The following MPPE1 variants were observed in gnomAD, a reference collection of about 807,000 sequenced individuals.
MPPE1 encodes the protein metallo phosphoesterase.
A neutral mutation model predicts 43.8 loss-of-function variants in MPPE1; 28 were observed. That is an observed-to-expected ratio of 0.64 (90% CI 0.47 to 0.88). The LOEUF (loss-of-function observed/expected upper bound fraction) is 0.88. Among genes scored for constraint, MPPE1 ranks in the 40% least tolerant of loss-of-function variants. The probability of loss-of-function intolerance (pLI) is 0.00; values close to 1 mark genes in which losing one functional copy is unlikely to be tolerated. For missense variants in MPPE1, 428 were observed against 492.2 expected (o/e 0.87, Z 1.23); for synonymous variants, 159 against 188.5 (o/e 0.84, Z 1.28).
Position 11,888,757 on chromosome 18 carries a change from T to A in MPPE1, c.495-14A>T. 1 of 1,526,360 alleles carries A rather than the reference T, an allele frequency of 6.6e-7. No individual in the cohort carries two copies. The highest frequency in any genetic ancestry group is 8.9e-7 in the Non-Finnish European group (1 of 1,128,578). The allele number at this position is 1,526,360 out of a possible 1,614,324, so 94.6% of individuals were successfully genotyped here. On this transcript the variant is annotated splice_polypyrimidine_tract_variant and intron_variant, in intron 5 of 10. Coordinates refer to ENST00000588072, the MANE Select transcript of MPPE1 (RefSeq NM_023075.6). ...TATGTGTTCATCCTATATTCAATTGTGAGAAGAAACATTTTTCAGGACAAG... is the reference window on the plus strand; with the variant it reads ...TATGTGTTCATCCTATATTCAATTGAGAGAAGAAACATTTTTCAGGACAAG...
At chr18:11,885,888 A>ACGGC (rs757343244) in intron 9 of MPPE1, 72 bp from the exon 10 acceptor site, 1 of 1,436,616 alleles carries the variant, frequency 7.0e-7, no homozygotes, top group Non-Finnish European at 9.3e-7. Context: ...CGCTCAGCAG[A>ACGGC]CGGCCGCTGG....
In MPPE1 at chr18:11,887,732, C is replaced by T. The variant is rs146675576; in HGVS notation, c.570-707G>A. The stretch of plus-strand genomic sequence containing the variant: ...AGTAAAGACTGCTTGAAATTTAACT[C>T]GTTTTAGAGATAAGGAGTGGAGTTA... On this transcript the variant is annotated intron_variant, in intron 6 of 10. Transcript: ENST00000588072. Among the ~76,000 whole-genome samples, 486 of 152,240 alleles carry T rather than the reference C, an allele frequency of 3.2e-3. 4 individuals carry two copies. The highest frequency in any genetic ancestry group is 0.011 in the African/African-American group (474 of 41,544).
At chr18:11,904,922 G>A (rs544806241) in intron 2 of MPPE1, among the ~76,000 whole-genome samples, 32 of 151,854 alleles carry the variant, frequency 2.1e-4, no homozygotes, top group Admixed American at 9.2e-4. Context: ...CAGCCTAGGC[G>A]ACAGAGCGAG....
chr18:11,888,583 T>A, intron 6 of MPPE1, 86 bp downstream of exon 6: 1 of 775,888 alleles, frequency 1.3e-6, no homozygotes, highest in South Asian at 1.6e-5. Flanking sequence ...CGCAGGTAGA[T>A]GATAGATCCC....
rs184651742 is a variant in MPPE1 at position 11,886,774 on chromosome 18, C to T, written c.683G>A (p.Arg228His). 4.3e-6 allele frequency: 7 copies of T among 1,612,882 alleles called. No individual in the cohort carries two copies. The African/African-American group carries it at 6.7e-5, about 15-fold the overall frequency. ...SHRLNCSREA[R>H]GSSRCGPGPL... ...CCCAGGTCCACACCGGCTGGAGCCA[C>T]GTGCCTGCTGGGTACAAGTCAGGCC... Residue 228 changes from arginine (R) to histidine (H), a missense_variant, in exon 8 of 11, where the codon CGT becomes CAT. Around this residue, in one of 3 missense-constraint regions of MPPE1, gnomAD observed 379 missense variants for 402.5 expected, o/e 0.94. Transcript: ENST00000588072. This position sits in a 1 kb window ranked among gnomAD's most constrained non-coding sequence, Gnocchi z 4.1.
rs531819348 is a variant in MPPE1 at position 11,889,730 on chromosome 18, C to G, written c.391-240G>C. Among the ~76,000 whole-genome samples the G allele has an allele frequency of 3.0e-3, 445 of 150,638 alleles. 1 individual carries two copies. Among genetic ancestry groups the G allele is most frequent in the African/African-American group, 0.01 (418 of 40,958 alleles). On this transcript the variant is annotated intron_variant, in intron 4 of 10. Coordinates refer to ENST00000588072, the MANE Select transcript of MPPE1 (RefSeq NM_023075.6). ...GGCACATGCCACCATGCCCGGCTAA[C>G]TTATTTTGTGTGTGTGTATTTTTAG...
intron 2 of MPPE1, among the ~76,000 whole-genome samples, chr18:11,898,864 TTGAG>T (rs761174395): frequency 7.9e-5 from 12 of 152,018 alleles, no homozygotes; most frequent in Non-Finnish European, 1.3e-4. Context: ...AGAAACTGAT[TTGAG>T]TAATAATTCC....
chr18:11,900,840 A>G (rs1055467505), intron 2 of MPPE1, among the ~76,000 whole-genome samples: 74 of 151,108 alleles, frequency 4.9e-4, no homozygotes, highest in Admixed American at 1.1e-3. Flanking sequence ...CCAGGAGGCA[A>G]AGCCTGCAGT....
intron 2 of MPPE1, among the ~76,000 whole-genome samples, chr18:11,900,710 A>T (rs532307553): frequency 3.6e-4 from 54 of 152,082 alleles, no homozygotes; most frequent in African/African-American, 1.1e-3. Flanking sequence ...GATCGAGACC[A>T]TCCTGGCTAA....
chr18:11,887,059 G>A (rs748698413), intron 6 of MPPE1, 34 bp from the exon 7 acceptor site: 1 of 1,494,500 alleles, frequency 6.7e-7, no homozygotes, highest in South Asian at 1.1e-5. Context: ...GAGGCCGCTG[G>A]GGGTATCAGT....
At chr18:11,890,455 G>A (rs760265371) in intron 4 of MPPE1, among the ~76,000 whole-genome samples, 2 of 151,914 alleles carry the variant, frequency 1.3e-5, no homozygotes, top group African/African-American at 4.8e-5. Flanking sequence ...GATTACAGGC[G>A]TGTACCACCA....
In MPPE1 at chr18:11,884,411, C is replaced by A. The variant is rs2036863654; in HGVS notation, c.*34G>T. 7.5e-6 allele frequency: 12 copies of A among 1,601,396 alleles called. No homozygotes were observed. The highest frequency in any genetic ancestry group is 1.0e-5 in the Non-Finnish European group (12 of 1,170,814). On this transcript the variant is annotated 3_prime_UTR_variant, in exon 11 of 11. Coordinates refer to ENST00000588072, the MANE Select transcript of MPPE1 (RefSeq NM_023075.6). Reference sequence around the variant, plus strand: ...ATGATCTCTGCCCAAAGTTCCATTTCTTGGGCTTTGATATTTATAATGGCG... The same window carrying A: ...ATGATCTCTGCCCAAAGTTCCATTTATTGGGCTTTGATATTTATAATGGCG...
intron 2 of MPPE1, among the ~76,000 whole-genome samples, chr18:11,904,218 G>C (rs1421694568): frequency 6.6e-6 from 1 of 152,204 alleles, no homozygotes; most frequent in Non-Finnish European, 1.5e-5. Flanking sequence ...CAGAGAAAGA[G>C]AGCAAGCAAG....
At position 11,882,764 on chromosome 18, in the gene MPPE1, C is replaced by T. The variant is rs2036735896; in HGVS notation, c.*1681G>A. 2 of 151,820 alleles carry T rather than the reference C, an allele frequency of 1.3e-5. No homozygotes were observed. Among genetic ancestry groups the T allele is most frequent in the African/African-American group, 4.8e-5 (2 of 41,310 alleles). The allele number at this position is 151,820 out of a possible 1,614,324, so 9.4% of individuals were successfully genotyped here. Reference sequence around the variant, plus strand: ...GAATGAGGATGACAGCTTCACTTGCCTTTTGAAGAAGAAACATTACAAAAC... The same window carrying T: ...GAATGAGGATGACAGCTTCACTTGCTTTTTGAAGAAGAAACATTACAAAAC... On this transcript the variant is annotated 3_prime_UTR_variant, in exon 11 of 11. Coordinates refer to ENST00000588072, the MANE Select transcript of MPPE1 (RefSeq NM_023075.6).
Position 11,899,869 on chromosome 18 carries a change from G to GT in MPPE1, c.-92-2514dup, listed in dbSNP as rs111557344. On this transcript the variant is annotated intron_variant, in intron 2 of 10. Coordinates refer to ENST00000588072, the MANE Select transcript of MPPE1 (RefSeq NM_023075.6). ...TTCCCCAGGGTCTAAAATCACCTCT[G>GT]TGAAATGCATCCTCAGAACTCTACA... 9.6e-4 allele frequency among the ~76,000 whole-genome samples: 146 copies of GT among 152,326 alleles called. 1 individual carries two copies. The highest frequency in any genetic ancestry group is 3.3e-3 in the African/African-American group (139 of 41,568).
At chr18:11,908,130 C>G (rs1159498051) in intron 1 of MPPE1, 71 bp downstream of exon 1, 1 of 152,160 alleles carries the variant, frequency 6.6e-6, no homozygotes, top group Non-Finnish European at 1.5e-5. Context: ...GGTTAACTTG[C>G]AATCCTAACA....
At chr18:11,890,453 G>A (rs983146661) in intron 4 of MPPE1, among the ~76,000 whole-genome samples, 1 of 152,014 alleles carries the variant, frequency 6.6e-6, no homozygotes, top group African/African-American at 2.4e-5. Context: ...GGGATTACAG[G>A]CGTGTACCAC....
Position 11,886,368 on chromosome 18 carries a change from C to A in MPPE1, c.867+131G>T. On this transcript the variant is annotated intron_variant, in intron 9 of 10. Transcript: ENST00000588072. The surrounding 1 kb of genome is among the most constrained non-coding windows in gnomAD (Gnocchi z 4.1). ...TGAAAGCCAGGCCTCCACCCCTGTC[C>A]CCCCAGGTGATAACTAAGTCATGAA... 1.5e-6 allele frequency: 2 copies of A among 1,291,554 alleles called. No homozygotes were observed. Among genetic ancestry groups the A allele is most frequent in the Non-Finnish European group, 2.2e-6 (2 of 908,112 alleles). 80.0% of individuals were successfully genotyped at this position (1,291,554 alleles called of 1,614,324 possible).
intron 2 of MPPE1, 154 bp from the exon 3 acceptor site, chr18:11,897,510 A>G: frequency 2.2e-6 from 1 of 452,334 alleles, no homozygotes; most frequent in Non-Finnish European, 3.9e-6. Flanking sequence ...GATTACTAAT[A>G]AGGAAAACAA....
Sources: allele counts gnomAD v4.1 joint callset (sites outside exome capture counted in the v4.1 genomes callset), GRCh38; gene constraint gnomAD v4.1.1; regional missense constraint gnomAD v4.1.1; non-coding constraint Gnocchi (gnomAD v3.1); transcripts MANE v1.5; gene names NCBI Gene and HGNC (gene_info 2026-07-23, HGNC 2026-07-21).